Variants in ABHD5 observed in about 807,000 individuals in gnomAD.
ABHD5 encodes abhydrolase domain containing 5, lysophosphatidic acid acyltransferase, also known as 1-acylglycerol-3-phosphate O-acyltransferase ABHD5.
Under a neutral mutation model 44.9 loss-of-function variants are expected in ABHD5, and 30 were observed. The observed-to-expected ratio is 0.67, with a 90% CI of 0.50 to 0.91. ABHD5 has a LOEUF of 0.91. Among genes scored for constraint, ABHD5 ranks in the 40% least tolerant of loss-of-function variants. The pLI is 0.00. For missense variants in ABHD5, 399 were observed against 423.4 expected, an observed-to-expected ratio of 0.94 and a Z score of 0.50; for synonymous variants, 167 against 147.0, an observed-to-expected ratio of 1.14 and a Z score of -0.99.
chr3:43,721,727 T>C lies in ABHD5; in HGVS notation c.*3195T>C, dbSNP rs1256573162. On this transcript the variant is annotated 3_prime_UTR_variant, in exon 7 of 7. Coordinates refer to ENST00000644371, the MANE Select transcript of ABHD5 (RefSeq NM_016006.6). The stretch of plus-strand genomic sequence containing the variant: ...AGATTTTTTTGGATAGCTGAAAATA[T>C]TTGCAGCATTTATCACAGAGGGCTA... 1 of 152,014 alleles carries C rather than the reference T, an allele frequency of 6.6e-6. No homozygotes were observed. The highest frequency in any genetic ancestry group is 6.6e-5 in the Admixed American group (1 of 15,238). 9.4% of individuals were successfully genotyped at this position (152,014 alleles called of 1,614,324 possible).
chr3:43,699,269 G>A lies in ABHD5; in HGVS notation c.48-7G>A. ...ACCTATTTGTTATTTTGTTTTTGGT[G>A]CTCTAGGTCAGGATGGCTAACTGGT... On this transcript the variant is annotated splice_polypyrimidine_tract_variant and splice_region_variant and intron_variant, in intron 1 of 6. Transcript: ENST00000644371. 1 of 1,612,930 alleles carries A rather than the reference G, an allele frequency of 6.2e-7. No individual in the cohort carries two copies. The highest frequency in any genetic ancestry group is 8.5e-7 in the Non-Finnish European group (1 of 1,178,934).
chr3:43,732,133 TAAG>T (rs1432097029), intron 7 of ABHD5, among the ~76,000 whole-genome samples: 2 of 152,088 alleles, frequency 1.3e-5, no homozygotes, highest in African/African-American at 2.4e-5. Flanking sequence ...AGAATACCAT[TAAG>T]AATAGAGGGG....
intron 7 of ABHD5, among the ~76,000 whole-genome samples, chr3:43,730,544 C>T (rs1333022716): frequency 1.5e-5 from 2 of 129,044 alleles, no homozygotes. Flanking sequence ...CTTCCCCTGT[C>T]TCCGAGGCTG....
At chr3:43,728,061 C>T (rs535798293) in intron 7 of ABHD5, among the ~76,000 whole-genome samples, 45 of 152,288 alleles carry the variant, frequency 3.0e-4, no homozygotes, top group Non-Finnish European at 5.3e-4. Context: ...CTGACCTCAC[C>T]GGCCTTGCTC....
intron 1 of ABHD5, among the ~76,000 whole-genome samples, chr3:43,694,659 T>C (rs6797061): frequency 0.022 from 3,292 of 152,060 alleles, 70 homozygotes; most frequent in African/African-American, 0.053. Flanking sequence ...TACCAGCACA[T>C]GGCTTGTCTA....
At chr3:43,701,448 A>G (rs1294715596) in intron 2 of ABHD5, among the ~76,000 whole-genome samples, 1 of 152,248 alleles carries the variant, frequency 6.6e-6, no homozygotes, top group Non-Finnish European at 1.5e-5. Flanking sequence ...TCAAAAATGC[A>G]GCTGTTCAGT....
chr3:43,699,522 G>A (rs1490990460), intron 2 of ABHD5, 161 bp downstream of exon 2: 6 of 742,738 alleles, frequency 8.1e-6, no homozygotes, highest in Non-Finnish European at 1.4e-5. Flanking sequence ...AATGAATGTC[G>A]GGGGCTGGCA....
intron 3 of ABHD5, among the ~76,000 whole-genome samples, chr3:43,704,497 G>T (rs985637029): frequency 6.6e-6 from 1 of 152,182 alleles, no homozygotes; most frequent in Non-Finnish European, 1.5e-5. Context: ...TATTATGTCT[G>T]TGTCTGTCTT....
rs1172709368 is a variant in ABHD5 at position 43,719,060 on chromosome 3, GA to G, written c.*529del. The G allele has an allele frequency of 6.4e-6, 1 of 156,866 alleles. No individual in the cohort carries two copies. Among genetic ancestry groups the G allele is most frequent in the Non-Finnish European group, 1.4e-5 (1 of 70,988 alleles). The allele number at this position is 156,866 out of a possible 1,614,324, so 9.7% of individuals were successfully genotyped here. ...TTTCACTTTGTTTTTGAAACGGAGT[GA>G]CAAGGCAGATTTTTGGTTAGAGGAC... On this transcript the variant is annotated 3_prime_UTR_variant, in exon 7 of 7. Transcript: ENST00000644371.
chr3:43,721,346 A>G lies in ABHD5; in HGVS notation c.*2814A>G, dbSNP rs1426607851. The G allele has an allele frequency of 6.6e-6, 1 of 152,194 alleles. No homozygotes were observed. 9.4% of individuals were successfully genotyped at this position (152,194 alleles called of 1,614,324 possible). On this transcript the variant is annotated 3_prime_UTR_variant, in exon 7 of 7. Transcript: ENST00000644371. ...TGAAACCCTCTTTCTAACTAGAAGA[A>G]AACATAGATGAATTATTGTATAATC...
chr3:43,728,910 G>C (rs2084895887), intron 7 of ABHD5, among the ~76,000 whole-genome samples: 1 of 152,200 alleles, frequency 6.6e-6, no homozygotes, highest in Admixed American at 6.5e-5. Flanking sequence ...CATTCTCACT[G>C]CACTTCCAAA....
In ABHD5 at chr3:43,718,593, T is replaced by C. The variant is rs1164553766; in HGVS notation, c.*61T>C. On this transcript the variant is annotated 3_prime_UTR_variant, in exon 7 of 7. Coordinates refer to ENST00000644371, the MANE Select transcript of ABHD5 (RefSeq NM_016006.6). ...GATATAGTTGTTCAGCAATAATTCATAGTCTGTGATGAAGAGTAGTGAATA... is the reference window on the plus strand; with the variant it reads ...GATATAGTTGTTCAGCAATAATTCACAGTCTGTGATGAAGAGTAGTGAATA... 4.0e-6 allele frequency: 6 copies of C among 1,488,244 alleles called. No individual in the cohort carries two copies. The East Asian group carries it at 1.4e-4, about 34-fold the overall frequency. 92.2% of individuals were successfully genotyped at this position (1,488,244 alleles called of 1,614,324 possible). A position where few individuals can be genotyped will look rare whatever the true frequency, so the allele number is the denominator to read the frequency against.
chr3:43,704,308 G>A (rs957019257), intron 3 of ABHD5, among the ~76,000 whole-genome samples: 2 of 151,966 alleles, frequency 1.3e-5, no homozygotes, highest in African/African-American at 4.8e-5. Context: ...CAAAGTGTTG[G>A]GATTACAGGC....
Position 43,718,657 on chromosome 3 carries a change from A to G in ABHD5, c.*125A>G, listed in dbSNP as rs752632573. 1 of 915,228 alleles carries G rather than the reference A, an allele frequency of 1.1e-6. No individual in the cohort carries two copies. Among genetic ancestry groups the G allele is most frequent in the Non-Finnish European group, 1.8e-6 (1 of 562,398 alleles). 56.7% of individuals were successfully genotyped at this position (915,228 alleles called of 1,614,324 possible). On this transcript the variant is annotated 3_prime_UTR_variant, in exon 7 of 7. Transcript: ENST00000644371. ...GGCAGCCTTCTTGACTATACTTTGCACATGTTTTCTTTAGGAATTCACTCA... is the reference window on the plus strand; with the variant it reads ...GGCAGCCTTCTTGACTATACTTTGCGCATGTTTTCTTTAGGAATTCACTCA...
chr3:43,731,763 C>G (rs767625725), intron 7 of ABHD5, among the ~76,000 whole-genome samples: 1 of 151,896 alleles, frequency 6.6e-6, no homozygotes, highest in Non-Finnish European at 1.5e-5. Context: ...ACCCGGGAGA[C>G]GGGAGGTTGT....
chr3:43,702,464 A>G lies in ABHD5; in HGVS notation c.383A>G (p.Glu128Gly). ...PRFDSDAEEV[E>G]NQFVESIEEW... is the part of the protein sequence containing the mutation. Reference sequence around the variant, plus strand: ...TTTGACAGTGATGCAGAAGAAGTGGAGAATCAGTTTGTGGAATCCATTGAA... The same window carrying G: ...TTTGACAGTGATGCAGAAGAAGTGGGGAATCAGTTTGTGGAATCCATTGAA... Residue 128 changes from glutamate (E) to glycine (G), a missense_variant, in exon 3 of 7, where the codon GAG (glutamate) becomes GGG (glycine). Glu to Gly is a moderately conservative substitution (Grantham distance 98). Coordinates refer to ENST00000644371, the MANE Select transcript of ABHD5 (RefSeq NM_016006.6). 6.2e-7 allele frequency: 1 copy of G among 1,614,250 alleles called. No homozygotes were observed. The highest frequency in any genetic ancestry group is 8.5e-7 in the Non-Finnish European group (1 of 1,180,048).
chr3:43,717,329 G>A (rs2084777700), intron 5 of ABHD5, among the ~76,000 whole-genome samples: 2 of 152,140 alleles, frequency 1.3e-5, no homozygotes, highest in Non-Finnish European at 2.9e-5. Context: ...CCATGAACCT[G>A]GGGATAAGCT....
upstream of ABHD5, chr3:43,690,906 G>T: frequency 7.0e-7 from 1 of 1,424,148 alleles, no homozygotes; most frequent in Non-Finnish European, 9.3e-7. Context: ...GGCCTGCGCC[G>T]CCTTAAGTGC....
At chr3:43,717,137 TGCACTCCA>T (rs1321387069) in intron 5 of ABHD5, among the ~76,000 whole-genome samples, 1 of 150,794 alleles carries the variant, frequency 6.6e-6, no homozygotes, top group African/African-American at 2.4e-5. Flanking sequence ...TGCGTGCAGC[TGCACTCCA>T]GCCTAGGCAA....
Sources: gnomAD v4.1 joint callset for allele counts (sites outside exome capture counted in the v4.1 genomes callset) on GRCh38, gnomAD v4.1.1 for gene constraint, MANE v1.5 for transcripts, NCBI Gene and HGNC (gene_info 2026-07-23, HGNC 2026-07-21) for gene names.